CRB1: variants seen among roughly 807,000 people sequenced by gnomAD.
CRB1 encodes protein crumbs homolog 1.
Under a neutral mutation model 120.0 loss-of-function variants are expected in CRB1, and 83 were observed. The ratio of observed to expected loss-of-function variants is 0.69; its 90% CI spans 0.58 to 0.83. CRB1 has a LOEUF of 0.83. Among genes scored for constraint, CRB1 ranks in the 40% least tolerant of loss-of-function variants. The probability of loss-of-function intolerance (pLI) is 0.00; values close to 1 mark genes in which losing one functional copy is unlikely to be tolerated. For synonymous variants in CRB1, 625 were observed against 612.5 expected (o/e 1.02, Z -0.30); for missense variants, 1,699 against 1,687.6 (o/e 1.01, Z -0.12).
At chr1:197,419,808 A>AC (rs1664194441) in intron 5 of CRB1, among the ~76,000 whole-genome samples, 2 of 47,718 alleles carry the variant, frequency 4.2e-5, no homozygotes, top group Admixed American at 2.2e-4. Flanking sequence ...CCCCATCTCT[A>AC]CAAAAAAAAA....
rs574148766 is a variant in CRB1, at chr1:197,378,580, T to C, written c.1171+21567T>C. On this transcript the variant is annotated intron_variant, in intron 5 of 11. Coordinates refer to ENST00000367400, the MANE Select transcript of CRB1 (RefSeq NM_201253.3). ...TTGATGCCTCTAAGATGCAGCTATATAAATTTCAGACCTGTTTTTCACTCC... is the reference window on the plus strand; with the variant it reads ...TTGATGCCTCTAAGATGCAGCTATACAAATTTCAGACCTGTTTTTCACTCC... 3.9e-5 allele frequency among the ~76,000 whole-genome samples: 6 copies of C among 152,316 alleles called. No homozygotes were observed. In the South Asian group the frequency reaches 8.3e-4, roughly 21 times the overall value.
chr1:197,319,673 T>C (rs1262865564), intron 1 of CRB1, among the ~76,000 whole-genome samples: 2 of 152,158 alleles, frequency 1.3e-5, no homozygotes, highest in African/African-American at 2.4e-5. Flanking sequence ...CTTTCTTTTT[T>C]TTTCTCACCC....
the CRB1 span, among the ~76,000 whole-genome samples, chr1:197,218,826 G>A: frequency 0.23 from 34,569 of 152,108 alleles, 4,324 homozygotes; most frequent in Middle Eastern, 0.29. Context: ...ACACCTATTT[G>A]AGCAGCTGCA....
At chr1:197,445,402 A>C (rs1452541102) in intron 11 of CRB1, among the ~76,000 whole-genome samples, 1 of 152,180 alleles carries the variant, frequency 6.6e-6, no homozygotes, top group African/African-American at 2.4e-5. Flanking sequence ...AAATTTGGAA[A>C]AATCAGTGTT....
the CRB1 span, among the ~76,000 whole-genome samples, chr1:197,210,033 A>G: frequency 1.8e-4 from 28 of 152,230 alleles, no homozygotes; most frequent in South Asian, 6.2e-4. Flanking sequence ...AAAGTTCACA[A>G]TGTGAGCCTC....
intron 5 of CRB1, among the ~76,000 whole-genome samples, chr1:197,386,186 T>A (rs955976368): frequency 2.0e-5 from 3 of 152,060 alleles, no homozygotes; most frequent in Non-Finnish European, 4.4e-5. Context: ...CTCTTGCCAG[T>A]TTCTTGCTAT....
At chr1:197,210,705 T>G in the CRB1 span, among the ~76,000 whole-genome samples, 1 of 152,118 alleles carries the variant, frequency 6.6e-6, no homozygotes, top group African/African-American at 2.4e-5. Flanking sequence ...GTCATATGAT[T>G]TCTTCATTCA....
At chr1:197,252,653 C>CAT in the CRB1 span, among the ~76,000 whole-genome samples, 147 of 135,092 alleles carry the variant, frequency 1.1e-3, 3 homozygotes, top group East Asian at 0.02. Context: ...CACACACACA[C>CAT]ATATATATAA....
chr1:197,314,170 G>A (rs931294703), intron 1 of CRB1, among the ~76,000 whole-genome samples: 7 of 152,028 alleles, frequency 4.6e-5, no homozygotes, highest in Admixed American at 1.3e-4. Flanking sequence ...AACCTACTTG[G>A]AATTATCCCA....
At chr1:197,202,962 G>GGTGTGT in the CRB1 span, among the ~76,000 whole-genome samples, 603 of 147,638 alleles carry the variant, frequency 4.1e-3, 9 homozygotes, top group African/African-American at 0.014. Flanking sequence ...ATGTCTTTGT[G>GGTGTGT]GTGTGTGTGT....
At chr1:197,231,573 T>A in the CRB1 span, among the ~76,000 whole-genome samples, 1 of 152,096 alleles carries the variant, frequency 6.6e-6, no homozygotes, top group Admixed American at 6.6e-5. Context: ...AGAATGAAAT[T>A]TGTAGTATGA....
intron 4 of CRB1, among the ~76,000 whole-genome samples, chr1:197,353,814 T>TAAAAAAAAAA (rs57274486): frequency 1.1e-5 from 1 of 89,430 alleles, no homozygotes; most frequent in Non-Finnish European, 2.1e-5. Context: ...AATATATAAA[T>TAAAAAAAAAA]AAAAAAAAAA....
In CRB1 at chr1:197,340,235, G is replaced by T. The variant is rs1160525950; in HGVS notation, c.653-4046G>T. On this transcript the variant is annotated intron_variant, in intron 2 of 11. Coordinates refer to ENST00000367400, the MANE Select transcript of CRB1 (RefSeq NM_201253.3). ...AAACTGGATATTTGGGAACTAACTGGAGCTAGCCTGGGGAAGGAGGGAGTG... is the reference window on the plus strand; with the variant it reads ...AAACTGGATATTTGGGAACTAACTGTAGCTAGCCTGGGGAAGGAGGGAGTG... Among the ~76,000 whole-genome samples the T allele has an allele frequency of 2.6e-5, 4 of 152,266 alleles. No individual in the cohort carries two copies. The East Asian group carries it at 5.8e-4, about 22-fold the overall frequency.
Position 197,294,005 on chromosome 1 carries a change from A to C in CRB1, c.70+25523A>C, listed in dbSNP as rs903931754. Among the ~76,000 whole-genome samples the C allele has an allele frequency of 2.0e-5, 3 of 152,212 alleles. No individual in the cohort carries two copies. In the South Asian group the frequency reaches 6.2e-4, roughly 31 times the overall value. On this transcript the variant is annotated intron_variant, in intron 1 of 11. Transcript: ENST00000367400. ...TACCATTCAGGACATAGGCATGGGCAAGGACTTGATGTCTAAAACACCAAA... is the reference window on the plus strand; with the variant it reads ...TACCATTCAGGACATAGGCATGGGCCAGGACTTGATGTCTAAAACACCAAA...
At chr1:197,304,448 T>C (rs934326019) in intron 1 of CRB1, 3 of 898,196 alleles carry the variant, frequency 3.3e-6, no homozygotes, top group African/African-American at 3.6e-5. Context: ...GTATTCTCAC[T>C]TAACCTCTAT....
At chr1:197,302,228 A>G (rs997312675) in intron 1 of CRB1, among the ~76,000 whole-genome samples, 4 of 152,226 alleles carry the variant, frequency 2.6e-5, no homozygotes, top group Non-Finnish European at 4.4e-5. Flanking sequence ...CTCCACCAGC[A>G]AAAAGATTAT....
At chr1:197,308,589 A>G (rs1657313631) in intron 1 of CRB1, among the ~76,000 whole-genome samples, 2 of 152,252 alleles carry the variant, frequency 1.3e-5, no homozygotes, top group South Asian at 2.1e-4. Context: ...ATCTATATTC[A>G]TGAATGTCAT....
At chr1:197,307,866 A>G (rs980536195) in intron 1 of CRB1, among the ~76,000 whole-genome samples, 7 of 152,298 alleles carry the variant, frequency 4.6e-5, no homozygotes, top group Admixed American at 4.6e-4. Flanking sequence ...CTTACTAGCT[A>G]CGTGACCTTG....
intron 2 of CRB1, among the ~76,000 whole-genome samples, chr1:197,338,706 C>T (rs1024404138): frequency 5.0e-4 from 76 of 151,994 alleles, no homozygotes; most frequent in Admixed American, 4.1e-3. Context: ...TAAAGCAAAA[C>T]TTGTAGAAAC....
Sources: gnomAD v4.1 joint callset for allele counts (sites outside exome capture counted in the v4.1 genomes callset) on GRCh38, gnomAD v4.1.1 for gene constraint, MANE v1.5 for transcripts, NCBI Gene and HGNC (gene_info 2026-07-23, HGNC 2026-07-21) for gene names.